CSMD1: variants seen among roughly 807,000 people sequenced by gnomAD.
The protein encoded by CSMD1 is CUB and Sushi multiple domains 1.
In CSMD1, 213 loss-of-function variants were observed where a neutral mutation model predicts 417.5. The observed-to-expected ratio is 0.51, with a 90% confidence interval of 0.46 to 0.57. The LOEUF is 0.57. Among genes scored for constraint, CSMD1 ranks in the 20% least tolerant of loss-of-function variants. The probability of loss-of-function intolerance (pLI) is 0.00; values close to 1 mark genes in which losing one functional copy is unlikely to be tolerated. For synonymous variants in CSMD1, 2,862 were observed against 1,736.8 expected (o/e 1.65, Z -16.11); for missense variants, 6,923 against 4,529.7 (o/e 1.53, Z -15.17).
intron 5 of CSMD1, among the ~76,000 whole-genome samples, chr8:3,802,273 A>T (rs554572607): frequency 6.6e-6 from 1 of 152,288 alleles, no homozygotes; most frequent in Non-Finnish European, 1.5e-5. Context: ...TACATGGATG[A>T]GATTTCTGCT....
intron 1 of CSMD1, among the ~76,000 whole-genome samples, chr8:4,702,855 T>C (rs947299895): frequency 3.9e-5 from 6 of 152,164 alleles, no homozygotes; most frequent in Admixed American, 3.9e-4. Flanking sequence ...ATGGATAACA[T>C]TATTAAAGAA....
intron 1 of CSMD1, among the ~76,000 whole-genome samples, chr8:4,829,664 C>G (rs1585173189): frequency 6.6e-6 from 1 of 151,108 alleles, no homozygotes; most frequent in South Asian, 2.1e-4. Flanking sequence ...CGCTTAAATC[C>G]AGGATGTGGG....
At chr8:4,806,465 C>T (rs964832022) in intron 1 of CSMD1, among the ~76,000 whole-genome samples, 3 of 152,196 alleles carry the variant, frequency 2.0e-5, no homozygotes, top group Admixed American at 2.0e-4. Context: ...GCTTCCCACG[C>T]CCATCTGTGG....
At chr8:3,985,146 T>G (rs1019437479) in intron 5 of CSMD1, among the ~76,000 whole-genome samples, 1 of 151,978 alleles carries the variant, frequency 6.6e-6, no homozygotes, top group African/African-American at 2.4e-5. Flanking sequence ...CAGGAGAGGG[T>G]GTGATGGATG....
At chr8:4,749,734 C>T (rs1811182493) in intron 1 of CSMD1, among the ~76,000 whole-genome samples, 1 of 152,092 alleles carries the variant, frequency 6.6e-6, no homozygotes, top group South Asian at 2.1e-4. Flanking sequence ...TTAATAATTA[C>T]ATATTTCATA....
chr8:4,641,558 A>G (rs747263367), intron 1 of CSMD1, among the ~76,000 whole-genome samples: 1 of 152,188 alleles, frequency 6.6e-6, no homozygotes. Flanking sequence ...AGGATGGAAG[A>G]ACAAGTGAAA....
chr8:4,842,658 G>T (rs533639922), intron 1 of CSMD1, among the ~76,000 whole-genome samples: 1 of 152,320 alleles, frequency 6.6e-6, no homozygotes, highest in East Asian at 1.9e-4. Context: ...CTGTTGGACA[G>T]TAGCCTCTAG....
intron 25 of CSMD1, among the ~76,000 whole-genome samples, chr8:3,301,481 A>C (rs1196440571): frequency 1.3e-5 from 2 of 152,188 alleles, no homozygotes; most frequent in Non-Finnish European, 2.9e-5. Context: ...AAATGATGAG[A>C]TCAGGGAACA....
rs996167740 is a variant in CSMD1 at position 3,106,870 on chromosome 8, C to G, written c.6836-229G>C. On this transcript the variant is annotated intron_variant, in intron 45 of 69. Transcript: ENST00000635120. ...TATTAGTACTGAAATGATGTGGCAG[C>G]TTTTCTTCCTTGACTGAGGCATCCG... 5 of 361,120 alleles carry G rather than the reference C, an allele frequency of 1.4e-5. No homozygotes were observed. The East Asian group carries it at 2.2e-4, about 16-fold the overall frequency. The allele number at this position is 361,120 out of a possible 1,614,324, so 22.4% of individuals were successfully genotyped here. A position where few individuals can be genotyped will look rare whatever the true frequency, so the allele number is the denominator to read the frequency against.
At chr8:2,990,463 T>C (rs184629821) in intron 54 of CSMD1, among the ~76,000 whole-genome samples, 8 of 152,260 alleles carry the variant, frequency 5.3e-5, no homozygotes, top group African/African-American at 1.9e-4. Flanking sequence ...CATCCCCCAT[T>C]TTCCATAGCC....
At chr8:3,183,625 A>C (rs1030354462) in intron 36 of CSMD1, among the ~76,000 whole-genome samples, 3 of 146,108 alleles carry the variant, frequency 2.1e-5, no homozygotes, top group Non-Finnish European at 4.6e-5. Flanking sequence ...TTTCTTAACG[A>C]TACCATCGGC....
intron 10 of CSMD1, among the ~76,000 whole-genome samples, chr8:3,523,764 T>G (rs549068116): frequency 1.4e-5 from 2 of 143,004 alleles, no homozygotes; most frequent in East Asian, 2.1e-4. Context: ...CACACACACA[T>G]GCACACACAT....
Position 4,553,023 on chromosome 8 carries a change from A to G in CSMD1, c.302+84319T>C, listed in dbSNP as rs538533988. ...TGACATTTCACCGAGTCAGAACATG[A>G]AGCACGTTAATAATAAGCTCACATT... On this transcript the variant is annotated intron_variant, in intron 2 of 69. Transcript: ENST00000635120. Among the ~76,000 whole-genome samples the G allele has an allele frequency of 1.4e-3, 220 of 152,318 alleles. 1 individual carries two copies. Among genetic ancestry groups the G allele is most frequent in the African/African-American group, 5.2e-3 (215 of 41,580 alleles).
At chr8:4,416,441 T>G (rs1796944141) in intron 3 of CSMD1, among the ~76,000 whole-genome samples, 1 of 152,098 alleles carries the variant, frequency 6.6e-6, no homozygotes, top group African/African-American at 2.4e-5. Flanking sequence ...TTAGAAAACA[T>G]TTGAAATTAT....
intron 27 of CSMD1, among the ~76,000 whole-genome samples, chr8:3,226,881 A>T (rs79837862): frequency 1.3e-5 from 2 of 152,088 alleles, no homozygotes; most frequent in South Asian, 4.2e-4. Context: ...AAAGTAAAAA[A>T]GTAAATTAGC....
At chr8:4,179,678 A>G (rs1584968373) in intron 3 of CSMD1, among the ~76,000 whole-genome samples, 1 of 152,178 alleles carries the variant, frequency 6.6e-6, no homozygotes, top group African/African-American at 2.4e-5. Flanking sequence ...CAATCTACTC[A>G]TCTGACAAAG....
intron 2 of CSMD1, among the ~76,000 whole-genome samples, chr8:4,436,348 G>C (rs566678478): frequency 4.6e-5 from 7 of 152,066 alleles, no homozygotes; most frequent in African/African-American, 1.7e-4. Flanking sequence ...TCTCCTTCTT[G>C]TGGAGATTAA....
At chr8:3,620,554 T>G (rs2086586) in intron 7 of CSMD1, among the ~76,000 whole-genome samples, 79,196 of 151,920 alleles carry the variant, frequency 0.52, 21,042 homozygotes, top group Middle Eastern at 0.62. Context: ...AGGATTGAAG[T>G]TTTCGTATAT....
chr8:3,758,855 G>C (rs1038220535), intron 5 of CSMD1, among the ~76,000 whole-genome samples: 2 of 152,102 alleles, frequency 1.3e-5, no homozygotes, highest in Non-Finnish European at 2.9e-5. Flanking sequence ...AGATTATTGA[G>C]TGGGCCCAAT....
Sources: gnomAD v4.1 joint callset for allele counts (sites outside exome capture counted in the v4.1 genomes callset) on GRCh38, gnomAD v4.1.1 for gene constraint, MANE v1.5 for transcripts, NCBI Gene and HGNC (gene_info 2026-07-23, HGNC 2026-07-21) for gene names.